DLGAP2: variants seen among roughly 807,000 people sequenced by gnomAD.
DLGAP2 encodes the protein DLG associated protein 2.
In DLGAP2, 26 loss-of-function variants were observed where a neutral mutation model predicts 100.3. The observed-to-expected ratio is 0.26, with a 90% confidence interval of 0.19 to 0.36. The LOEUF is 0.36. Ranked by LOEUF, DLGAP2 falls within the 10% of genes least tolerant of loss-of-function variation. The pLI is 1.00. For missense variants in DLGAP2, 1,858 were observed against 1,453.2 expected, an observed-to-expected ratio of 1.28 and a Z score of -4.53; for synonymous variants, 886 against 630.1, an observed-to-expected ratio of 1.41 and a Z score of -6.08.
chr8:913,569 A>G (rs1003563974), intron 2 of DLGAP2, among the ~76,000 whole-genome samples: 5 of 152,248 alleles, frequency 3.3e-5, no homozygotes, highest in African/African-American at 4.8e-5. Flanking sequence ...GAATGCTTAT[A>G]CTAATAGTAG....
At chr8:1,586,178 G>A (rs749094555) in intron 6 of DLGAP2, among the ~76,000 whole-genome samples, 30 of 152,206 alleles carry the variant, frequency 2.0e-4, no homozygotes, top group Non-Finnish European at 3.1e-4. Context: ...CCCTCCTTCC[G>A]GGTCTCTCTG....
chr8:1,260,453 G>A (rs1460364693), intron 3 of DLGAP2, among the ~76,000 whole-genome samples: 1 of 152,124 alleles, frequency 6.6e-6, no homozygotes, highest in African/African-American at 2.4e-5. Context: ...GCCCATGTGG[G>A]GTGTGTTTTG....
chr8:1,320,670 C>G (rs75392921), intron 3 of DLGAP2, among the ~76,000 whole-genome samples: 1 of 152,304 alleles, frequency 6.6e-6, no homozygotes, highest in East Asian at 1.9e-4. Flanking sequence ...ACATTCTCAC[C>G]TCTCTTAGCT....
At chr8:1,055,054 A>G (rs1802837186) in intron 2 of DLGAP2, among the ~76,000 whole-genome samples, 2 of 152,234 alleles carry the variant, frequency 1.3e-5, no homozygotes, top group African/African-American at 4.8e-5. Flanking sequence ...CCATGTTACG[A>G]CGCACATTTA....
intron 3 of DLGAP2, among the ~76,000 whole-genome samples, chr8:1,469,589 A>G (rs568445038): frequency 2.6e-5 from 4 of 152,268 alleles, no homozygotes; most frequent in Admixed American, 6.5e-5. Flanking sequence ...CCTCCCACGT[A>G]TTCGTATTTT....
chr8:1,325,056 T>C (rs754656276), intron 3 of DLGAP2, among the ~76,000 whole-genome samples: 5 of 152,204 alleles, frequency 3.3e-5, no homozygotes, highest in Admixed American at 6.5e-5. Context: ...CCTGAACCGA[T>C]GGATGCTCTG....
At chr8:1,420,372 C>T (rs530762991) in intron 3 of DLGAP2, among the ~76,000 whole-genome samples, 11 of 152,272 alleles carry the variant, frequency 7.2e-5, no homozygotes, top group South Asian at 2.1e-4. Context: ...GATAAATACA[C>T]GTAAATGAAG....
chr8:1,689,089 T>G (rs570124052), intron 12 of DLGAP2, among the ~76,000 whole-genome samples: 5 of 152,130 alleles, frequency 3.3e-5, no homozygotes, highest in Admixed American at 1.3e-4. Context: ...TGTTAAGGAA[T>G]GTTTGGGGGA....
rs115571749 is a variant in DLGAP2 at position 1,383,824 on chromosome 8, T to A, written c.107-117542T>A. ...ACCACCAGCAGCTCCCAGCGAGCAC[T>A]TTCCAGCAGAGTAAACTAATGAATC... On this transcript the variant is annotated intron_variant, in intron 3 of 14. Transcript: ENST00000637795. Among the ~76,000 whole-genome samples, 1,442 of 152,322 alleles carry A rather than the reference T, an allele frequency of 9.5e-3. 23 individuals are homozygous for A. The highest frequency in any genetic ancestry group is 0.032 in the African/African-American group (1,325 of 41,580).
intron 2 of DLGAP2, among the ~76,000 whole-genome samples, chr8:1,024,781 C>T (rs750353741): frequency 6.6e-6 from 1 of 152,310 alleles, no homozygotes; most frequent in Non-Finnish European, 1.5e-5. Context: ...CTTATGGAGC[C>T]TCCTGTGGGA....
chr8:1,465,615 A>T (rs1436361823), intron 3 of DLGAP2, among the ~76,000 whole-genome samples: 1 of 152,192 alleles, frequency 6.6e-6, no homozygotes, highest in Non-Finnish European at 1.5e-5. Flanking sequence ...AGGTGTCTGG[A>T]AGCTCCACAA....
intron 2 of DLGAP2, among the ~76,000 whole-genome samples, chr8:1,012,546 C>T (rs1229432258): frequency 3.3e-5 from 4 of 122,092 alleles, no homozygotes; most frequent in African/African-American, 9.3e-5. Flanking sequence ...CCCACTTCAG[C>T]GGCAGTGTAG....
intron 3 of DLGAP2, among the ~76,000 whole-genome samples, chr8:1,325,599 T>C (rs1191205489): frequency 3.9e-5 from 6 of 152,322 alleles, no homozygotes; most frequent in South Asian, 2.1e-4. Flanking sequence ...GGATCTCCCC[T>C]GAAAGGATTA....
chr8:1,616,683 C>A (rs1797164693), intron 6 of DLGAP2, among the ~76,000 whole-genome samples: 1 of 152,256 alleles, frequency 6.6e-6, no homozygotes, highest in Non-Finnish European at 1.5e-5. Context: ...ACTTTTCAAA[C>A]AGAAGCTAAG....
At chr8:1,513,472 G>A (rs1039985247) in intron 4 of DLGAP2, among the ~76,000 whole-genome samples, 4 of 152,208 alleles carry the variant, frequency 2.6e-5, no homozygotes, top group Admixed American at 6.5e-5. Context: ...TGGTGGGAGC[G>A]GTGCAAGCAC....
At chr8:1,073,262 C>G (rs756301876) in intron 2 of DLGAP2, among the ~76,000 whole-genome samples, 16 of 152,162 alleles carry the variant, frequency 1.1e-4, no homozygotes, top group Non-Finnish European at 1.3e-4. Context: ...CTTCCAAAAT[C>G]AGCTCTAAAG....
At chr8:903,827 C>T (rs1057138966) in intron 1 of DLGAP2, among the ~76,000 whole-genome samples, 3 of 152,224 alleles carry the variant, frequency 2.0e-5, no homozygotes, top group Non-Finnish European at 2.9e-5. Context: ...TGTTAAGTCA[C>T]CTGACTTACG....
At chr8:1,553,145 A>C (rs1447544222) in intron 5 of DLGAP2, among the ~76,000 whole-genome samples, 1 of 152,120 alleles carries the variant, frequency 6.6e-6, no homozygotes, top group East Asian at 1.9e-4. Context: ...GCTGCATCCC[A>C]GAGAAGACCC....
chr8:1,066,800 A>G (rs944220683), intron 2 of DLGAP2, among the ~76,000 whole-genome samples: 3 of 152,212 alleles, frequency 2.0e-5, no homozygotes, highest in African/African-American at 7.2e-5. Flanking sequence ...CTGTGCTTGT[A>G]GGGCAGGTCT....
Sources: allele counts gnomAD v4.1 joint callset (sites outside exome capture counted in the v4.1 genomes callset), GRCh38; gene constraint gnomAD v4.1.1; transcripts MANE v1.5; gene names NCBI Gene and HGNC (gene_info 2026-07-23, HGNC 2026-07-21).